LRRC4C: variants seen among roughly 807,000 people sequenced by gnomAD.
LRRC4C encodes the protein leucine-rich repeat-containing protein 4C.
Under a neutral mutation model 33.6 loss-of-function variants are expected in LRRC4C, and 5 were observed. That is an observed-to-expected ratio of 0.15 (90% CI 0.08 to 0.31). The LOEUF (loss-of-function observed/expected upper bound fraction) is 0.31. Among genes scored for constraint, LRRC4C ranks in the 10% least tolerant of loss-of-function variants. The pLI, the probability that LRRC4C is intolerant of heterozygous loss-of-function variation, is 1.00. For missense variants in LRRC4C, 560 were observed against 796.7 expected, an observed-to-expected ratio of 0.70 and a Z score of 3.58; for synonymous variants, 329 against 302.0, an observed-to-expected ratio of 1.09 and a Z score of -0.93.
At chr11:40,615,265 T>TATATATAC (rs1490740198) in intron 3 of LRRC4C, among the ~76,000 whole-genome samples, 599 of 53,380 alleles carry the variant, frequency 0.011, 11 homozygotes, top group African/African-American at 0.021. Flanking sequence ...TATATATATA[T>TATATATAC]ACACACACAC....
chr11:41,023,305 A>T (rs1856114420), intron 1 of LRRC4C, among the ~76,000 whole-genome samples: 1 of 151,866 alleles, frequency 6.6e-6, no homozygotes, highest in African/African-American at 2.4e-5. Context: ...ATTCAGTCAT[A>T]TGCAGTTGGT....
intron 2 of LRRC4C, among the ~76,000 whole-genome samples, chr11:40,902,081 A>G (rs554077003): frequency 2.6e-5 from 4 of 151,592 alleles, no homozygotes; most frequent in Admixed American, 2.0e-4. Context: ...ATTGCATTTT[A>G]TAGATATTGC....
At chr11:40,916,307 A>G (rs1447230398) in intron 2 of LRRC4C, among the ~76,000 whole-genome samples, 1 of 152,188 alleles carries the variant, frequency 6.6e-6, no homozygotes, top group Non-Finnish European at 1.5e-5. Flanking sequence ...CAAATATCCA[A>G]CAATGATAGA....
In LRRC4C at chr11:41,383,071, G is replaced by C. The variant is rs537695694; in HGVS notation, c.-496+76360C>G. Among the ~76,000 whole-genome samples the C allele has an allele frequency of 2.0e-5, 3 of 152,178 alleles. No individual in the cohort carries two copies. In the South Asian group the frequency reaches 6.2e-4, roughly 32 times the overall value. On this transcript the variant is annotated intron_variant, in intron 1 of 6. Transcript: ENST00000528697. ...GGAATGTGACTCTATATCAAAAGGC[G>C]AACTACAGGACACCAAGACAGCTTG... is the stretch of plus-strand genomic sequence containing the variant.
intron 1 of LRRC4C, among the ~76,000 whole-genome samples, chr11:41,371,508 G>A (rs1434883983): frequency 6.6e-6 from 1 of 152,040 alleles, no homozygotes; most frequent in African/African-American, 2.4e-5. Flanking sequence ...CTCAGTTGTG[G>A]GACATTTATC....
At chr11:40,119,462 T>C (rs748997889) in intron 6 of LRRC4C, among the ~76,000 whole-genome samples, 8 of 152,152 alleles carry the variant, frequency 5.3e-5, no homozygotes, top group Non-Finnish European at 1.2e-4. Context: ...TGTGATTATT[T>C]GTTTCTGGGT....
intron 1 of LRRC4C, among the ~76,000 whole-genome samples, chr11:41,139,314 T>A (rs956725467): frequency 2.6e-5 from 4 of 152,218 alleles, no homozygotes; most frequent in African/African-American, 9.6e-5. Flanking sequence ...AAGCTATGCC[T>A]TTCTTCATAT....
Position 41,123,256 on chromosome 11 carries a change from G to GTTTTTTTTTTTTT in LRRC4C, c.-495-189534_-495-189533insAAAAAAAAAAAAA, listed in dbSNP as rs1456350828. On this transcript the variant is annotated intron_variant, in intron 1 of 6. Coordinates refer to ENST00000528697, the MANE Select transcript of LRRC4C (RefSeq NM_001258419.2). ...AAATGCTTTCTCTATCCTGAGCTATGTTTTGTTTTTTTTTTTTTTTTTTTT... is the reference window on the plus strand; with the variant it reads ...AAATGCTTTCTCTATCCTGAGCTATGTTTTTTTTTTTTTTTTTGTTTTTTTTTTTTTTTTTTTT... Among the ~76,000 whole-genome samples, 17 of 107,144 alleles carry GTTTTTTTTTTTTT rather than the reference G, an allele frequency of 1.6e-4. 2 individuals are homozygous for GTTTTTTTTTTTTT. The highest frequency in any genetic ancestry group is 4.7e-4 in the African/African-American group (12 of 25,348). 70.3% of individuals were successfully genotyped at this position (107,144 alleles called of 152,430 possible).
intron 3 of LRRC4C, among the ~76,000 whole-genome samples, chr11:40,474,934 T>C (rs369966204): frequency 2.6e-5 from 4 of 152,264 alleles, no homozygotes; most frequent in South Asian, 4.1e-4. Context: ...ATGGCAATCA[T>C]TAAAATGTCA....
In LRRC4C at chr11:40,829,173, A is replaced by G. The variant is rs189884459; in HGVS notation, c.-407+104462T>C. 9.9e-5 allele frequency among the ~76,000 whole-genome samples: 15 copies of G among 152,106 alleles called. No homozygotes were observed. In the East Asian group the frequency reaches 2.7e-3, roughly 27 times the overall value. ...TCTGCTTTGATGCAGATAGCTTTTCAATGGGAAATAAGATGAAGTACAATA... is the reference window on the plus strand; with the variant it reads ...TCTGCTTTGATGCAGATAGCTTTTCGATGGGAAATAAGATGAAGTACAATA... On this transcript the variant is annotated intron_variant, in intron 2 of 6. Transcript: ENST00000528697.
At chr11:40,755,696 A>C (rs932122403) in intron 2 of LRRC4C, among the ~76,000 whole-genome samples, 2 of 152,118 alleles carry the variant, frequency 1.3e-5, no homozygotes, top group African/African-American at 4.8e-5. Context: ...TCCTGACAAC[A>C]AGAAATCTTC....
At chr11:40,519,926 C>G (rs1360885053) in intron 3 of LRRC4C, among the ~76,000 whole-genome samples, 1 of 152,148 alleles carries the variant, frequency 6.6e-6, no homozygotes, top group Non-Finnish European at 1.5e-5. Context: ...CCAGAATATC[C>G]ATGTAGACAA....
chr11:40,570,678 T>G (rs1370115358), intron 3 of LRRC4C, among the ~76,000 whole-genome samples: 1 of 152,166 alleles, frequency 6.6e-6, no homozygotes, highest in Non-Finnish European at 1.5e-5. Flanking sequence ...ATACTATGTA[T>G]CTATTTCTCT....
chr11:40,735,033 A>G (rs1055170000), intron 2 of LRRC4C, among the ~76,000 whole-genome samples: 2 of 152,166 alleles, frequency 1.3e-5, no homozygotes, highest in Non-Finnish European at 2.9e-5. Context: ...TCCCTTGTAC[A>G]TCACAATTCC....
intron 2 of LRRC4C, among the ~76,000 whole-genome samples, chr11:40,876,972 C>A (rs1425629872): frequency 6.6e-6 from 1 of 151,180 alleles, no homozygotes; most frequent in African/African-American, 2.4e-5. Context: ...AGTGATCTAC[C>A]TTTAGAAAGC....
intron 2 of LRRC4C, among the ~76,000 whole-genome samples, chr11:40,834,998 CT>C (rs1310729501): frequency 6.6e-6 from 1 of 151,222 alleles, no homozygotes; most frequent in Non-Finnish European, 1.5e-5. Context: ...TGCATGCACC[CT>C]TTCTAACTCT....
intron 1 of LRRC4C, among the ~76,000 whole-genome samples, chr11:40,963,452 A>G (rs1321042533): frequency 4.0e-5 from 6 of 151,736 alleles, no homozygotes; most frequent in African/African-American, 1.5e-4. Flanking sequence ...TTGATTCACA[A>G]ATAAATTAAA....
chr11:41,378,850 G>C (rs1353774404), intron 1 of LRRC4C, among the ~76,000 whole-genome samples: 2 of 151,760 alleles, frequency 1.3e-5, no homozygotes, highest in African/African-American at 4.8e-5. Context: ...TGAAATATCA[G>C]TGGTATGACT....
intron 3 of LRRC4C, among the ~76,000 whole-genome samples, chr11:40,336,367 C>T (rs1246905884): frequency 6.6e-6 from 1 of 152,132 alleles, no homozygotes; most frequent in Admixed American, 6.6e-5. Context: ...GTATTTCCCA[C>T]ATGCCATTGA....
Sources: gnomAD v4.1 joint callset for allele counts (sites outside exome capture counted in the v4.1 genomes callset) on GRCh38, gnomAD v4.1.1 for gene constraint, MANE v1.5 for transcripts, NCBI Gene and HGNC (gene_info 2026-07-23, HGNC 2026-07-21) for gene names.